PIP5K1B: variants seen among roughly 807,000 people sequenced by gnomAD.
The protein encoded by PIP5K1B is phosphatidylinositol-4-phosphate 5-kinase type 1 beta, also known as phosphatidylinositol 4-phosphate 5-kinase type-1 beta.
In PIP5K1B, 42 loss-of-function variants were observed where a neutral mutation model predicts 67.0. That is an observed-to-expected ratio of 0.63 (90% CI 0.49 to 0.81). The LOEUF (loss-of-function observed/expected upper bound fraction) is 0.81, where lower values mean the gene tolerates loss of function less well. PIP5K1B is among the 30% of genes least tolerant of loss of function. PIP5K1B has a pLI of 0.00. For missense variants in PIP5K1B, 459 were observed against 646.3 expected (o/e 0.71, Z 3.14); for synonymous variants, 214 against 231.4 (o/e 0.92, Z 0.68).
At chr9:68,731,568 G>A (rs1216401317) in intron 1 of PIP5K1B, among the ~76,000 whole-genome samples, 7 of 152,188 alleles carry the variant, frequency 4.6e-5, no homozygotes, top group Non-Finnish European at 8.8e-5. Flanking sequence ...GGAGGCAATC[G>A]CAAAAACAAA....
intron 15 of PIP5K1B, among the ~76,000 whole-genome samples, chr9:69,000,598 A>G (rs1214928180): frequency 2.6e-5 from 4 of 152,028 alleles, no homozygotes; most frequent in Admixed American, 2.0e-4. Flanking sequence ...TCATCTCCCT[A>G]TGTCTTCACA....
chr9:68,858,842 A>G (rs1458122235), intron 4 of PIP5K1B, among the ~76,000 whole-genome samples: 1 of 152,246 alleles, frequency 6.6e-6, no homozygotes, highest in African/African-American at 2.4e-5. Flanking sequence ...AAGTGACCTA[A>G]TTTTATAGAT....
At chr9:68,707,926 T>C (rs1193666301) in intron 1 of PIP5K1B, 1 of 152,202 alleles carries the variant, frequency 6.6e-6, no homozygotes, top group Non-Finnish European at 1.5e-5. Context: ...GTTTTTTCTT[T>C]CCAACTTTAG....
intron 2 of PIP5K1B, among the ~76,000 whole-genome samples, chr9:68,773,739 T>G (rs1044512669): frequency 6.6e-6 from 1 of 152,252 alleles, no homozygotes; most frequent in Non-Finnish European, 1.5e-5. Flanking sequence ...TACCTTGATT[T>G]TCTAATCTTT....
chr9:68,780,416 C>T (rs1564129259), intron 2 of PIP5K1B: 7 of 1,613,994 alleles, frequency 4.3e-6, no homozygotes, highest in Non-Finnish European at 5.9e-6. Flanking sequence ...ACAGCAGCCG[C>T]TTGCACCAGA....
At chr9:68,873,281 C>CTTTTTTTTTTTTTTTTTT (rs772335388) in intron 5 of PIP5K1B, among the ~76,000 whole-genome samples, 1 of 90,630 alleles carries the variant, frequency 1.1e-5, no homozygotes, top group Non-Finnish European at 2.1e-5. Context: ...ACTTTCTGAT[C>CTTTTTTTTTTTTTTTTTT]TTTTTTTTTT....
intron 2 of PIP5K1B, among the ~76,000 whole-genome samples, chr9:68,768,943 C>G (rs1425659277): frequency 2.6e-5 from 4 of 152,186 alleles, no homozygotes; most frequent in Non-Finnish European, 4.4e-5. Context: ...CAAACCTTCT[C>G]CACTCTTGGT....
rs569783033 is a variant in PIP5K1B at position 69,000,369 on chromosome 9, T to G, written c.1621-8078T>G. On this transcript the variant is annotated intron_variant, in intron 15 of 15. Transcript: ENST00000265382. ...TATAATAAGATAAAAATATGTGGGG[T>G]TTTTTTAAAGACTTCCTAAATCCCA... 1.1e-4 allele frequency among the ~76,000 whole-genome samples: 17 copies of G among 152,148 alleles called. No individual in the cohort carries two copies. The South Asian group carries it at 2.5e-3, about 22-fold the overall frequency.
chr9:68,732,411 A>AT (rs1240452584), intron 1 of PIP5K1B, among the ~76,000 whole-genome samples: 2 of 152,208 alleles, frequency 1.3e-5, no homozygotes, highest in Non-Finnish European at 2.9e-5. Flanking sequence ...ATCAGTATTC[A>AT]TTTAGTCTTT....
chr9:68,994,741 AAATT>A (rs1427925809), intron 15 of PIP5K1B, among the ~76,000 whole-genome samples: 3 of 152,208 alleles, frequency 2.0e-5, no homozygotes, highest in Non-Finnish European at 2.9e-5. Flanking sequence ...AGTGAAGCAT[AAATT>A]AATTAGAGAC....
rs572353680 is a variant in PIP5K1B at position 68,733,922 on chromosome 9, G to A, written c.-242-8579G>A. ...CAACGTGCTGGGATTACAGGCGTGAGCCACTGTGCCCGGCAATACTTAGAC... is the reference window on the plus strand; with the variant it reads ...CAACGTGCTGGGATTACAGGCGTGAACCACTGTGCCCGGCAATACTTAGAC... On this transcript the variant is annotated intron_variant, in intron 1 of 15. Coordinates refer to ENST00000265382, the MANE Select transcript of PIP5K1B (RefSeq NM_003558.4). Among the ~76,000 whole-genome samples, 4 of 152,204 alleles carry A rather than the reference G, an allele frequency of 2.6e-5. No homozygotes were observed. The South Asian group carries it at 6.2e-4, about 24-fold the overall frequency.
At chr9:68,771,999 A>G (rs1253812402) in intron 2 of PIP5K1B, among the ~76,000 whole-genome samples, 1 of 152,186 alleles carries the variant, frequency 6.6e-6, no homozygotes, top group Non-Finnish European at 1.5e-5. Context: ...ATTTAGCTCA[A>G]AGGAAAGGTG....
intron 2 of PIP5K1B, among the ~76,000 whole-genome samples, chr9:68,774,624 G>A (rs911100281): frequency 1.3e-5 from 2 of 152,054 alleles, no homozygotes; most frequent in Non-Finnish European, 2.9e-5. Flanking sequence ...CACATATCAG[G>A]ATATAGAACA....
chr9:68,760,765 T>C (rs1830149425), intron 2 of PIP5K1B, among the ~76,000 whole-genome samples: 1 of 152,070 alleles, frequency 6.6e-6, no homozygotes, highest in South Asian at 2.1e-4. Flanking sequence ...TAATAATACG[T>C]AGGAGCTCAC....
At position 68,855,832 on chromosome 9, in the gene PIP5K1B, T is replaced by G. The variant is rs183675629; in HGVS notation, c.70-8005T>G. Among the ~76,000 whole-genome samples the G allele has an allele frequency of 3.5e-4, 54 of 152,304 alleles. No individual in the cohort carries two copies. In the Middle Eastern group the frequency reaches 0.01, roughly 29 times the overall value. The stretch of plus-strand genomic sequence containing the variant: ...GTTTGTGGGTAGGCAAACCTCCTCC[T>G]CTCTGAGAGGAAGTGGGACAACCTC... On this transcript the variant is annotated intron_variant, in intron 4 of 15. Transcript: ENST00000265382.
At chr9:68,950,721 A>G (rs1194410276) in intron 14 of PIP5K1B, among the ~76,000 whole-genome samples, 4 of 152,198 alleles carry the variant, frequency 2.6e-5, no homozygotes, top group African/African-American at 9.7e-5. Context: ...TTTCTCTGAT[A>G]TGCTTCAAAC....
intron 15 of PIP5K1B, among the ~76,000 whole-genome samples, chr9:69,005,595 C>T (rs1473771139): frequency 2.6e-5 from 4 of 151,962 alleles, no homozygotes; most frequent in African/African-American, 9.7e-5. Flanking sequence ...AGGCTGGTCT[C>T]GAACTCCTCC....
At chr9:68,824,102 G>A (rs1435726245) in intron 4 of PIP5K1B, 2 of 518,970 alleles carry the variant, frequency 3.9e-6, no homozygotes, top group Non-Finnish European at 7.7e-6. Flanking sequence ...TTAGACACAA[G>A]TGAAAAACCA....
Position 68,914,608 on chromosome 9 carries a change from G to A in PIP5K1B, c.772-2940G>A, listed in dbSNP as rs183160323. On this transcript the variant is annotated intron_variant, in intron 8 of 15. Coordinates refer to ENST00000265382, the MANE Select transcript of PIP5K1B (RefSeq NM_003558.4). ...CAGGCGCCTGTAGTCCCAGCTACTC[G>A]GGAGGCTGAGGCAGGAGAATGGTGT... Among the ~76,000 whole-genome samples the A allele has an allele frequency of 4.6e-3, 696 of 152,146 alleles. 1 individual carries two copies. The highest frequency in any genetic ancestry group is 6.6e-3 in the Non-Finnish European group (448 of 68,006).
Sources: allele counts gnomAD v4.1 joint callset (sites outside exome capture counted in the v4.1 genomes callset), GRCh38; gene constraint gnomAD v4.1.1; transcripts MANE v1.5; gene names NCBI Gene and HGNC (gene_info 2026-07-23, HGNC 2026-07-21).